The following PRKCH variants were observed in gnomAD, a reference collection of about 807,000 sequenced individuals.
PRKCH encodes the protein protein kinase C eta type.
Under a neutral mutation model 82.5 loss-of-function variants are expected in PRKCH, and 28 were observed. The observed-to-expected ratio is 0.34, with a 90% CI of 0.25 to 0.47. The LOEUF (loss-of-function observed/expected upper bound fraction) is 0.47. Among genes scored for constraint, PRKCH ranks in the 20% least tolerant of loss-of-function variants. The probability of loss-of-function intolerance (pLI) is 1.00; values close to 1 mark genes in which losing one functional copy is unlikely to be tolerated. For missense variants in PRKCH, 705 were observed against 881.8 expected (o/e 0.80, Z 2.54); for synonymous variants, 322 against 327.4 (o/e 0.98, Z 0.18).
rs1237740429 is a variant in PRKCH at position 61,488,277 on chromosome 14, T to C, written c.1433+2621T>C. Among the ~76,000 whole-genome samples, 4 of 152,216 alleles carry C rather than the reference T, an allele frequency of 2.6e-5. No individual in the cohort carries two copies. In the East Asian group the frequency reaches 7.7e-4, roughly 29 times the overall value. ...GATTGAGGCTGCAGTGAGCTGTAACTGTGCCACTGTATTCCAGCCTGGGTG... is the reference window on the plus strand; with the variant it reads ...GATTGAGGCTGCAGTGAGCTGTAACCGTGCCACTGTATTCCAGCCTGGGTG... On this transcript the variant is annotated intron_variant, in intron 10 of 13. Transcript: ENST00000332981.
At chr14:61,360,616 C>T (rs2046212564) in intron 1 of PRKCH, among the ~76,000 whole-genome samples, 1 of 152,174 alleles carries the variant, frequency 6.6e-6, no homozygotes, top group African/African-American at 2.4e-5. Context: ...GAAAGGATAA[C>T]AAATGATTTG....
chr14:61,456,344 C>T (rs1169975811), intron 7 of PRKCH, among the ~76,000 whole-genome samples: 1 of 152,218 alleles, frequency 6.6e-6, no homozygotes, highest in Admixed American at 6.5e-5. Flanking sequence ...GAAGTGTATT[C>T]ACTCCAGTGT....
intron 1 of PRKCH, among the ~76,000 whole-genome samples, chr14:61,389,242 T>TG (rs997762331): frequency 6.9e-4 from 105 of 152,004 alleles, no homozygotes; most frequent in African/African-American, 2.4e-3. Flanking sequence ...CCCAGCTACT[T>TG]GGGGGGCTGA....
intron 10 of PRKCH, among the ~76,000 whole-genome samples, chr14:61,523,736 T>A (rs1446608486): frequency 6.6e-6 from 1 of 152,228 alleles, no homozygotes; most frequent in African/African-American, 2.4e-5. Flanking sequence ...CAAATGGCAG[T>A]ATGCTGACAA....
intron 2 of PRKCH, among the ~76,000 whole-genome samples, chr14:61,438,010 A>T (rs142645786): frequency 2.4e-3 from 373 of 152,340 alleles, no homozygotes; most frequent in Non-Finnish European, 4.2e-3. Context: ...TAGGTAAGTT[A>T]CTACCTGTCG....
chr14:61,367,510 C>T (rs1182897397), intron 1 of PRKCH, among the ~76,000 whole-genome samples: 1 of 151,716 alleles, frequency 6.6e-6, no homozygotes, highest in African/African-American at 2.4e-5. Context: ...ATTTTCAGCA[C>T]CCAGTAGGTA....
intron 1 of PRKCH, among the ~76,000 whole-genome samples, chr14:61,227,890 A>G (rs1480704761): frequency 1.3e-5 from 2 of 152,152 alleles, no homozygotes; most frequent in Non-Finnish European, 2.9e-5. Flanking sequence ...AGTAAAATAT[A>G]TTTGAAAACA....
intron 1 of PRKCH, among the ~76,000 whole-genome samples, chr14:61,379,028 C>T (rs546939105): frequency 1.3e-5 from 2 of 152,340 alleles, no homozygotes; most frequent in East Asian, 1.9e-4. Context: ...CTCAGTGGCT[C>T]CCCATTGCCC....
chr14:61,416,620 C>A (rs1366674597), intron 2 of PRKCH, among the ~76,000 whole-genome samples: 1 of 152,060 alleles, frequency 6.6e-6, no homozygotes, highest in African/African-American at 2.4e-5. Context: ...TACAACACCC[C>A]CTAACCTCTT....
chr14:61,214,111 T>TG (rs2044601183), intron 1 of PRKCH, among the ~76,000 whole-genome samples: 1 of 152,224 alleles, frequency 6.6e-6, no homozygotes, highest in Admixed American at 6.5e-5. Flanking sequence ...AGTCACACTG[T>TG]GGGGGGTGTA....
intron 1 of PRKCH, among the ~76,000 whole-genome samples, chr14:61,274,884 C>G (rs2045188990): frequency 6.6e-6 from 1 of 152,116 alleles, no homozygotes; most frequent in South Asian, 2.1e-4. Flanking sequence ...TTTAAAGATA[C>G]ATGAAAGTGA....
chr14:61,450,818 G>T, intron 5 of PRKCH, 24 bp from the exon 6 acceptor site: 1 of 1,609,338 alleles, frequency 6.2e-7, no homozygotes, highest in Non-Finnish European at 8.5e-7. Flanking sequence ...TTTAGCTCTT[G>T]TCCCTTTATT....
chr14:61,294,304 T>A (rs2045389115), intron 1 of PRKCH, among the ~76,000 whole-genome samples: 1 of 151,964 alleles, frequency 6.6e-6, no homozygotes, highest in Non-Finnish European at 1.5e-5. Context: ...CTATTTTTAG[T>A]AGAGATGGGG....
intron 1 of PRKCH, among the ~76,000 whole-genome samples, chr14:61,364,165 G>T (rs923040010): frequency 6.6e-6 from 1 of 151,466 alleles, no homozygotes; most frequent in African/African-American, 2.4e-5. Context: ...GAACTACCAT[G>T]CCTGGCCTGG....
intron 1 of PRKCH, among the ~76,000 whole-genome samples, chr14:61,301,770 G>T (rs2045449289): frequency 6.6e-6 from 1 of 152,204 alleles, no homozygotes; most frequent in Non-Finnish European, 1.5e-5. Context: ...GAGTCTGGGA[G>T]TTCAAGGCTG....
intron 1 of PRKCH, chr14:61,278,476 C>G (rs1478305938): frequency 6.6e-6 from 1 of 152,138 alleles, no homozygotes; most frequent in African/African-American, 2.4e-5. Flanking sequence ...TTTTCAAAGA[C>G]TAGAATAAAC....
chr14:61,507,990 T>C (rs1362434166), intron 10 of PRKCH, among the ~76,000 whole-genome samples: 5 of 151,858 alleles, frequency 3.3e-5, no homozygotes, highest in Admixed American at 6.6e-5. Flanking sequence ...TATGTACAGG[T>C]TTATTGCACT....
At chr14:61,310,567 C>G (rs902076904) in intron 1 of PRKCH, among the ~76,000 whole-genome samples, 2 of 152,230 alleles carry the variant, frequency 1.3e-5, no homozygotes, top group African/African-American at 4.8e-5. Context: ...AGGTACAGCT[C>G]CCTTCCTGGC....
At chr14:61,268,636 C>T (rs2045125354) in intron 1 of PRKCH, among the ~76,000 whole-genome samples, 1 of 152,138 alleles carries the variant, frequency 6.6e-6, no homozygotes, top group African/African-American at 2.4e-5. Flanking sequence ...CCATTGCACT[C>T]CAACCTGGGT....
Sources: gnomAD v4.1 joint callset for allele counts (sites outside exome capture counted in the v4.1 genomes callset) on GRCh38, gnomAD v4.1.1 for gene constraint, MANE v1.5 for transcripts, NCBI Gene and HGNC (gene_info 2026-07-23, HGNC 2026-07-21) for gene names.